The following KIAA1328 variants were observed in gnomAD, a reference collection of about 807,000 sequenced individuals.
The protein encoded by KIAA1328 is protein hinderin.
KIAA1328 carries 52 observed loss-of-function variants against 68.1 expected under a neutral mutation model. The ratio of observed to expected loss-of-function variants is 0.76; its 90% CI spans 0.61 to 0.96. KIAA1328 has a LOEUF of 0.96. Among genes scored for constraint, KIAA1328 ranks in the 40% least tolerant of loss-of-function variants. The probability of loss-of-function intolerance (pLI) is 0.00; values close to 1 mark genes in which losing one functional copy is unlikely to be tolerated. For missense variants in KIAA1328, 641 were observed against 677.6 expected (o/e 0.95, Z 0.60); for synonymous variants, 232 against 239.4 (o/e 0.97, Z 0.28).
chr18:37,001,231 C>T (rs1013494802), intron 6 of KIAA1328, among the ~76,000 whole-genome samples: 12 of 151,796 alleles, frequency 7.9e-5, no homozygotes, highest in African/African-American at 2.7e-4. Context: ...ATCATCAGGG[C>T]CAGTTTTAAT....
At chr18:37,119,679 A>T (rs1240465361) in intron 7 of KIAA1328, among the ~76,000 whole-genome samples, 1 of 152,144 alleles carries the variant, frequency 6.6e-6, no homozygotes, top group Non-Finnish European at 1.5e-5. Context: ...TATATGAATG[A>T]GGATGGGGAG....
chr18:36,938,094 G>GCAGTTCCTTTGGGTATATACCCACTT (rs2050573833), intron 5 of KIAA1328, among the ~76,000 whole-genome samples: 1 of 152,104 alleles, frequency 6.6e-6, no homozygotes. Flanking sequence ...CACACTGATT[G>GCAGTTCCTTTGGGTATATACCCACTT]CAGTTCCTTT....
chr18:36,956,471 C>A (rs942467052), intron 5 of KIAA1328, among the ~76,000 whole-genome samples: 2 of 150,392 alleles, frequency 1.3e-5, no homozygotes, highest in South Asian at 4.2e-4. Context: ...ACGTTTTGTC[C>A]GCATTTTCCT....
intron 6 of KIAA1328, among the ~76,000 whole-genome samples, chr18:37,035,849 G>C (rs1445376340): frequency 6.6e-6 from 1 of 152,172 alleles, no homozygotes; most frequent in Non-Finnish European, 1.5e-5. Flanking sequence ...ATGTACTAAA[G>C]TGAGACATTT....
intron 2 of KIAA1328, among the ~76,000 whole-genome samples, 191 bp downstream of exon 2, chr18:36,834,546 G>C (rs2046608004): frequency 6.6e-6 from 1 of 152,142 alleles, no homozygotes; most frequent in African/African-American, 2.4e-5. Flanking sequence ...TTATCTTTGG[G>C]ATTGGCTGGC....
Position 37,223,592 on chromosome 18 carries a change from A to G in KIAA1328, c.*1365A>G. The G allele has an allele frequency of 1.0e-6, 1 of 985,396 alleles. No homozygotes were observed. The highest frequency in any genetic ancestry group is 1.2e-6 in the Non-Finnish European group (1 of 829,938). 61.0% of individuals were successfully genotyped at this position (985,396 alleles called of 1,614,324 possible). On this transcript the variant is annotated 3_prime_UTR_variant, in exon 10 of 10. Transcript: ENST00000280020. ...TTTTCTCTCCTTTTTACCAACCCCAACTAAACTGGGAGTAAGACTTAGTCA... is the reference window on the plus strand; with the variant it reads ...TTTTCTCTCCTTTTTACCAACCCCAGCTAAACTGGGAGTAAGACTTAGTCA...
intron 4 of KIAA1328, among the ~76,000 whole-genome samples, chr18:36,875,229 G>A (rs1224523855): frequency 1.3e-5 from 2 of 152,134 alleles, no homozygotes; most frequent in Admixed American, 6.5e-5. Context: ...TAGCTTGATG[G>A]GAATAGCAAT....
chr18:37,059,183 G>A (rs1375368597), intron 6 of KIAA1328, among the ~76,000 whole-genome samples: 1 of 151,980 alleles, frequency 6.6e-6, no homozygotes, highest in Non-Finnish European at 1.5e-5. Flanking sequence ...CTACCTTACA[G>A]AATTAACGTT....
intron 5 of KIAA1328, among the ~76,000 whole-genome samples, chr18:36,890,920 T>C (rs1354243926): frequency 6.6e-6 from 1 of 152,126 alleles, no homozygotes. Context: ...TAGAGAAATA[T>C]GCAAAATTAA....
chr18:37,145,046 G>T (rs1314850457), intron 7 of KIAA1328, among the ~76,000 whole-genome samples: 1 of 151,882 alleles, frequency 6.6e-6, no homozygotes, highest in African/African-American at 2.4e-5. Context: ...ACCAGTCTGG[G>T]CAACGTGGTG....
intron 4 of KIAA1328, among the ~76,000 whole-genome samples, chr18:36,871,120 GC>G (rs1295846842): frequency 6.6e-6 from 1 of 152,092 alleles, no homozygotes. Flanking sequence ...GGAATATCTG[GC>G]CCACGTGAAG....
At chr18:37,213,317 G>T (rs1030150980) in intron 9 of KIAA1328, among the ~76,000 whole-genome samples, 1 of 152,016 alleles carries the variant, frequency 6.6e-6, no homozygotes, top group Admixed American at 6.6e-5. Context: ...CCCCACAACA[G>T]GCCCGAGTGT....
At chr18:36,998,675 T>C (rs1306153564) in intron 6 of KIAA1328, among the ~76,000 whole-genome samples, 1 of 152,114 alleles carries the variant, frequency 6.6e-6, no homozygotes, top group Non-Finnish European at 1.5e-5. Context: ...ACTAACACCA[T>C]TTACAGCCAA....
In KIAA1328 at chr18:37,067,087, T is replaced by A; in HGVS notation, c.774T>A (p.Asp258Glu). The A allele has an allele frequency of 6.2e-7, 1 of 1,613,952 alleles. No individual in the cohort carries two copies. The highest frequency in any genetic ancestry group is 1.3e-5 in the African/African-American group (1 of 75,030). Residue 258 changes from aspartate to glutamate, a missense_variant, in exon 7 of 10, where the codon GAT (aspartate) becomes GAA (glutamate). Transcript: ENST00000280020. ...KPVTLHHPKD[D>E]LDKIPSETTT... ...TAACCCTTCATCATCCCAAAGATGA[T>A]CTAGATAAGATACCATCAGAGACCA...
chr18:36,873,167 T>C (rs2048004271), intron 4 of KIAA1328, among the ~76,000 whole-genome samples: 1 of 152,172 alleles, frequency 6.6e-6, no homozygotes, highest in Admixed American at 6.5e-5. Context: ...TAATCTTTCC[T>C]TCAATTTCTC....
rs900945583 is a variant in KIAA1328 at position 37,223,969 on chromosome 18, A to G, written c.*1742A>G. On this transcript the variant is annotated 3_prime_UTR_variant, in exon 10 of 10. Coordinates refer to ENST00000280020, the MANE Select transcript of KIAA1328 (RefSeq NM_020776.3). ...TCATTACAGATTAAAATTTCTTTAT[A>G]AAGTTCACCTCTGAGAGTAACCAAA... The G allele has an allele frequency of 1.0e-6, 1 of 985,406 alleles. No individual in the cohort carries two copies. The allele number at this position is 985,406 out of a possible 1,614,324, so 61.0% of individuals were successfully genotyped here.
At chr18:37,047,036 G>A (rs1285646409) in intron 6 of KIAA1328, among the ~76,000 whole-genome samples, 1 of 152,184 alleles carries the variant, frequency 6.6e-6, no homozygotes, top group African/African-American at 2.4e-5. Flanking sequence ...GGAGGCTGAG[G>A]CAGGAGAAAC....
chr18:36,935,892 G>A (rs941833143), intron 5 of KIAA1328, among the ~76,000 whole-genome samples: 1 of 151,966 alleles, frequency 6.6e-6, no homozygotes, highest in African/African-American at 2.4e-5. Context: ...TATAATAATG[G>A]GTGTCAGTAA....
intron 5 of KIAA1328, among the ~76,000 whole-genome samples, chr18:36,888,512 GC>G (rs1276154697): frequency 2.1e-4 from 32 of 152,154 alleles, no homozygotes; most frequent in African/African-American, 7.5e-4. Flanking sequence ...AAGGATTGGA[GC>G]AAATGGTATA....
Sources: allele counts gnomAD v4.1 joint callset (sites outside exome capture counted in the v4.1 genomes callset), GRCh38; gene constraint gnomAD v4.1.1; transcripts MANE v1.5; gene names NCBI Gene and HGNC (gene_info 2026-07-23, HGNC 2026-07-21).